The following EYA1 variants were observed in gnomAD, a reference collection of about 807,000 sequenced individuals.
EYA1 encodes the protein EYA transcriptional coactivator and phosphatase 1.
Under a neutral mutation model 82.0 loss-of-function variants are expected in EYA1, and 16 were observed. The ratio of observed to expected loss-of-function variants is 0.20; its 90% confidence interval spans 0.13 to 0.30. EYA1 has a LOEUF of 0.30. Ranked by LOEUF, EYA1 falls within the 10% of genes least tolerant of loss-of-function variation. The pLI, the probability that EYA1 is intolerant of heterozygous loss-of-function variation, is 1.00. For missense variants in EYA1, 633 were observed against 730.7 expected (o/e 0.87, Z 1.54); for synonymous variants, 261 against 264.4 (o/e 0.99, Z 0.12).
intron 12 of EYA1, chr8:71,225,104 C>A: frequency 3.4e-6 from 1 of 291,040 alleles, no homozygotes; most frequent in Non-Finnish European, 7.0e-6. Flanking sequence ...GTGTTTTTCT[C>A]TGTAAAGAGG....
rs532543822 is a variant in EYA1 at position 71,472,103 on chromosome 8, C to T, written c.33+63641G>A. On this transcript the variant is annotated intron_variant, in intron 2 of 18. Transcript: ENST00000643681. ...TATGTTCTGTATTCAACCATAAAAACATTTACTCTATTTTGCAACTGCGTT... is the reference window on the plus strand; with the variant it reads ...TATGTTCTGTATTCAACCATAAAAATATTTACTCTATTTTGCAACTGCGTT... Among the ~76,000 whole-genome samples the T allele has an allele frequency of 1.4e-3, 217 of 152,222 alleles. 1 individual carries two copies. Among genetic ancestry groups the T allele is most frequent in the African/African-American group, 4.9e-3 (203 of 41,558 alleles).
chr8:71,201,967 T>G (rs1374294570), intron 17 of EYA1, among the ~76,000 whole-genome samples: 2 of 152,224 alleles, frequency 1.3e-5, no homozygotes, highest in Non-Finnish European at 1.5e-5. Context: ...TACTATTATC[T>G]CAGAATGTAA....
At chr8:71,331,557 T>C (rs911769091) in intron 4 of EYA1, among the ~76,000 whole-genome samples, 8 of 150,876 alleles carry the variant, frequency 5.3e-5, no homozygotes, top group African/African-American at 1.9e-4. Flanking sequence ...GAAGGAATAA[T>C]ATTCAAATTA....
intron 4 of EYA1, among the ~76,000 whole-genome samples, chr8:71,327,658 C>A (rs185970411): frequency 1.3e-5 from 2 of 152,070 alleles, no homozygotes; most frequent in Admixed American, 6.5e-5. Flanking sequence ...ACTCTCCCCA[C>A]GCCAAGATCC....
chr8:71,477,532 T>A (rs36031976), intron 2 of EYA1, among the ~76,000 whole-genome samples: 3 of 149,552 alleles, frequency 2.0e-5, no homozygotes, highest in Non-Finnish European at 3.0e-5. Context: ...CCCTATGTAC[T>A]AGGATGACTA....
chr8:71,336,249 G>T (rs1270839741), intron 3 of EYA1, among the ~76,000 whole-genome samples: 1 of 152,172 alleles, frequency 6.6e-6, no homozygotes. Context: ...CCACAACAAG[G>T]CTGCTGGGGC....
chr8:71,217,552 T>TGA (rs1262785046), intron 12 of EYA1, among the ~76,000 whole-genome samples: 5 of 152,022 alleles, frequency 3.3e-5, no homozygotes, highest in African/African-American at 1.2e-4. Flanking sequence ...TTGAGAGATG[T>TGA]GAGTTTTATC....
At chr8:71,525,549 T>G (rs754479828) in intron 2 of EYA1, among the ~76,000 whole-genome samples, 1 of 152,224 alleles carries the variant, frequency 6.6e-6, no homozygotes, top group East Asian at 1.9e-4. Flanking sequence ...CATGTATTCA[T>G]GTACATAAGC....
intron 12 of EYA1, among the ~76,000 whole-genome samples, chr8:71,220,938 T>TATC (rs1809826470): frequency 6.6e-6 from 1 of 152,138 alleles, no homozygotes; most frequent in East Asian, 1.9e-4. Flanking sequence ...GTGGTCAAGT[T>TATC]ATCAGTCCTT....
At chr8:71,442,109 A>G (rs1806474479) in intron 2 of EYA1, among the ~76,000 whole-genome samples, 2 of 152,232 alleles carry the variant, frequency 1.3e-5, no homozygotes, top group Non-Finnish European at 2.9e-5. Flanking sequence ...TAGTCTAAGA[A>G]GACTAAGATA....
chr8:71,363,308 C>G (rs2129081535), upstream of EYA1, among the ~76,000 whole-genome samples: 1 of 152,226 alleles, frequency 6.6e-6, no homozygotes, highest in South Asian at 2.1e-4. Flanking sequence ...TAAATGAAAG[C>G]ACCATTCCGA....
At chr8:71,279,763 C>T (rs888080062) in intron 9 of EYA1, among the ~76,000 whole-genome samples, 4 of 152,184 alleles carry the variant, frequency 2.6e-5, no homozygotes, top group Non-Finnish European at 5.9e-5. Context: ...ACCCATTGGA[C>T]GGTGTTGGTA....
chr8:71,348,210 G>A (rs569798172), intron 3 of EYA1, among the ~76,000 whole-genome samples: 2 of 152,264 alleles, frequency 1.3e-5, no homozygotes, highest in East Asian at 3.9e-4. Flanking sequence ...AGCAAGGTGA[G>A]AAGAAATGTA....
intron 2 of EYA1, among the ~76,000 whole-genome samples, chr8:71,512,439 G>T (rs1812673046): frequency 6.6e-6 from 1 of 151,352 alleles, no homozygotes; most frequent in Non-Finnish European, 1.5e-5. Flanking sequence ...ACAATAAAGG[G>T]TGATAAAAAG....
chr8:71,406,561 G>A (rs576432024), intron 2 of EYA1, among the ~76,000 whole-genome samples: 622 of 152,322 alleles, frequency 4.1e-3, no homozygotes, highest in Non-Finnish European at 7.2e-3. Flanking sequence ...GCCTCCCTTG[G>A]GAAGCACAAG....
chr8:71,540,510 G>C (rs1022212571), intron 1 of EYA1, among the ~76,000 whole-genome samples: 2 of 152,158 alleles, frequency 1.3e-5, no homozygotes, highest in Non-Finnish European at 2.9e-5. Flanking sequence ...ACAGAGAAAG[G>C]GTCAAGCCAG....
chr8:71,202,095 A>C (rs2128809039), intron 17 of EYA1, among the ~76,000 whole-genome samples: 1 of 152,334 alleles, frequency 6.6e-6, no homozygotes, highest in East Asian at 1.9e-4. Context: ...GAGCAGGTTC[A>C]GTCAAATTCT....
intron 12 of EYA1, among the ~76,000 whole-genome samples, chr8:71,235,211 TA>T (rs145697191): frequency 0.015 from 2,232 of 152,328 alleles, 52 homozygotes; most frequent in African/African-American, 0.051. Context: ...ACTGATGTTT[TA>T]AAAGTGTAAA....
intron 9 of EYA1, among the ~76,000 whole-genome samples, chr8:71,280,019 G>A (rs113385380): frequency 0.024 from 3,642 of 152,224 alleles, 67 homozygotes; most frequent in Non-Finnish European, 0.039. Context: ...TATGAATTCC[G>A]CTTGGTTTGA....
Sources: gnomAD v4.1 joint callset for allele counts (sites outside exome capture counted in the v4.1 genomes callset) on GRCh38, gnomAD v4.1.1 for gene constraint, MANE v1.5 for transcripts, NCBI Gene and HGNC (gene_info 2026-07-23, HGNC 2026-07-21) for gene names.